Variants in TAF1D observed in about 807,000 individuals in gnomAD.
TAF1D encodes TATA box-binding protein-associated factor RNA polymerase I subunit D.
A neutral mutation model predicts 26.2 loss-of-function variants in TAF1D; 23 were observed. The ratio of observed to expected loss-of-function variants is 0.88; its 90% CI spans 0.63 to 1.25. The LOEUF is 1.25. TAF1D is among the 50% of genes most tolerant of loss of function. The pLI is 0.00. For synonymous variants in TAF1D, 100 were observed against 105.6 expected, an observed-to-expected ratio of 0.95 and a Z score of 0.33; for missense variants, 299 against 322.0, an observed-to-expected ratio of 0.93 and a Z score of 0.55.
At chr11:93,733,022 A>C, downstream of TAF1D, 1 of 335,688 alleles carries the variant, frequency 3.0e-6, no homozygotes, top group Non-Finnish European at 5.8e-6. Context: ...AAATACTGGG[A>C]TGGTGTAATT....
Position 93,735,988 on chromosome 11 carries a change from C to A in TAF1D, c.*173G>T. 1 of 1,379,480 alleles carries A rather than the reference C, an allele frequency of 7.2e-7. No homozygotes were observed. Among genetic ancestry groups the A allele is most frequent in the Non-Finnish European group, 9.3e-7 (1 of 1,071,604 alleles). 85.5% of individuals were successfully genotyped at this position (1,379,480 alleles called of 1,614,324 possible). A position where few individuals can be genotyped will look rare whatever the true frequency, so the allele number is the denominator to read the frequency against. On this transcript the variant is annotated 3_prime_UTR_variant, in exon 6 of 6. Transcript: ENST00000448108. ...TTTTTTTCTAATTATTACTACTTCA[C>A]AAGTTTCTTTCACAAACTTCTTCAC...
intron 2 of TAF1D, 173 bp downstream of exon 2, chr11:93,739,064 T>G (rs573953455): frequency 8.8e-6 from 5 of 569,422 alleles, no homozygotes; most frequent in Non-Finnish European, 1.5e-5. Context: ...CATTTTGAAT[T>G]TAAAGTATTT....
At chr11:93,733,830 C>T (rs1165823243), downstream of TAF1D, 1 of 174,706 alleles carries the variant, frequency 5.7e-6, no homozygotes, top group Admixed American at 6.1e-5. Context: ...AGTATTTATA[C>T]ACATAAATAA....
chr11:93,736,064 T>A lies in TAF1D; in HGVS notation c.*97A>T. The stretch of plus-strand genomic sequence containing the variant: ...ATAAAGTTCTGGGTTTCAGAATTTC[T>A]TCACCACCAGACTGGTACATATATC... On this transcript the variant is annotated 3_prime_UTR_variant, in exon 6 of 6. Coordinates refer to ENST00000448108, the MANE Select transcript of TAF1D (RefSeq NM_024116.4). 6.6e-7 allele frequency: 1 copy of A among 1,505,358 alleles called. No homozygotes were observed. The highest frequency in any genetic ancestry group is 8.8e-7 in the Non-Finnish European group (1 of 1,135,854). 93.3% of individuals were successfully genotyped at this position (1,505,358 alleles called of 1,614,324 possible). A position where few individuals can be genotyped will look rare whatever the true frequency, so the allele number is the denominator to read the frequency against.
rs1940963313 is a variant in TAF1D at position 93,737,076 on chromosome 11, A to G, written c.623T>C (p.Ile208Thr). ...TGATTCCACTTACGTTGACTCCTCA[A>G]TAGGAGAAATGGATCCATCATCATC... ...FLDDDGSISP[I>T]EESTAEDEDA... Residue 208 changes from isoleucine (I) to threonine (T), a missense_variant, in exon 4 of 6, where the codon ATT becomes ACT. By Grantham distance (89) the Ile-to-Thr change is moderately conservative. Transcript: ENST00000448108. The G allele has an allele frequency of 6.2e-7, 1 of 1,601,450 alleles. No homozygotes were observed. Among genetic ancestry groups the G allele is most frequent in the African/African-American group, 1.3e-5 (1 of 74,518 alleles).
At chr11:93,738,592 C>G in intron 2 of TAF1D, 93 bp from the exon 3 acceptor site, 3 of 1,308,264 alleles carry the variant, frequency 2.3e-6, no homozygotes, top group Non-Finnish European at 3.0e-6. Flanking sequence ...CTTCCAAGAC[C>G]AACTCAGAAA....
chr11:93,738,276 T>G lies in TAF1D; in HGVS notation c.292A>C (p.Arg98=). The change falls in exon 3 of 6, where the codon AGG becomes CGG. Residue 98 remains arginine, a synonymous_variant. Transcript: ENST00000448108. ...CGTGGTCTTCCTGTTGGCTGGTACCTCCTCTTTTTCTTTTTTTTATATCTC... is the reference window on the plus strand; with the variant it reads ...CGTGGTCTTCCTGTTGGCTGGTACCGCCTCTTTTTCTTTTTTTTATATCTC... ...KKRYKKKKKR[R]YQPTGRPRGR... is the part of the protein sequence containing the mutation. 6.2e-7 allele frequency: 1 copy of G among 1,611,404 alleles called. No individual in the cohort carries two copies. The highest frequency in any genetic ancestry group is 1.1e-5 in the South Asian group (1 of 90,416).
chr11:93,737,320 C>T, intron 3 of TAF1D, 81 bp from the exon 4 acceptor site: 6 of 939,236 alleles, frequency 6.4e-6, no homozygotes, highest in East Asian at 2.6e-5. Flanking sequence ...AAGGGCAATG[C>T]CCCCCCTTAG....
intron 5 of TAF1D, 92 bp downstream of exon 5, chr11:93,736,602 T>C: frequency 6.6e-7 from 1 of 1,518,336 alleles, no homozygotes; most frequent in Non-Finnish European, 8.8e-7. Flanking sequence ...AAAAGTTAAA[T>C]GAAGTGTAAG....
chr11:93,731,113 C>A (rs767813682), downstream of TAF1D: 1 of 498,892 alleles, frequency 2.0e-6, no homozygotes, highest in African/African-American at 2.0e-5. Context: ...CACCCTTGAG[C>A]AAATAACTTA....
downstream of TAF1D, chr11:93,735,358 T>C (rs1940530854): frequency 2.8e-6 from 3 of 1,087,980 alleles, no homozygotes; most frequent in Admixed American, 4.1e-5. Context: ...ATGCCTTTTC[T>C]TGAACTAATA....
downstream of TAF1D, chr11:93,732,025 C>CA (rs757994342): frequency 3.9e-6 from 2 of 518,134 alleles, no homozygotes; most frequent in South Asian, 2.8e-5. Context: ...GTCTCATTGT[C>CA]ACCACTGCAA....
At chr11:93,733,689 CA>C (rs772270699), downstream of TAF1D, 3 of 459,184 alleles carry the variant, frequency 6.5e-6, no homozygotes, top group African/African-American at 6.1e-5. Flanking sequence ...CACTTGAGCC[CA>C]GGGGTTCGAG....
chr11:93,736,904 G>T, intron 4 of TAF1D, 153 bp from the exon 5 acceptor site: 1 of 1,091,002 alleles, frequency 9.2e-7, no homozygotes, highest in Non-Finnish European at 1.3e-6. Context: ...TAGATGAACG[G>T]TGTGCCAAGC....
intron 4 of TAF1D, 77 bp from the exon 5 acceptor site, chr11:93,736,828 T>C (rs781457500): frequency 8.3e-6 from 12 of 1,447,978 alleles, no homozygotes; most frequent in Non-Finnish European, 1.1e-5. Context: ...CTCTGAAATA[T>C]AACTGAAACT....
At chr11:93,733,594 C>A (rs764509626), downstream of TAF1D, 2 of 514,510 alleles carry the variant, frequency 3.9e-6, no homozygotes, top group African/African-American at 3.9e-5. Flanking sequence ...GGATAGACCT[C>A]AACCACTATT....
At chr11:93,732,369 CAGT>C (rs1446919672), downstream of TAF1D, 1 of 518,718 alleles carries the variant, frequency 1.9e-6, no homozygotes, top group Admixed American at 1.9e-5. Context: ...AATACTGTAT[CAGT>C]AGAAATACCA....
At chr11:93,731,664 A>G (rs1047170520), downstream of TAF1D, 84 of 451,588 alleles carry the variant, frequency 1.9e-4, no homozygotes, top group Admixed American at 2.1e-3. Flanking sequence ...GCATTGCTAG[A>G]TAAATAAATA....
chr11:93,741,106 A>C (rs1414260372), intron 1 of TAF1D, among the ~76,000 whole-genome samples: 2 of 152,240 alleles, frequency 1.3e-5, no homozygotes, highest in East Asian at 3.8e-4. Context: ...CCATCTCAAG[A>C]TATAATGAAG....
Sources: gnomAD v4.1 joint callset for allele counts (sites outside exome capture counted in the v4.1 genomes callset) on GRCh38, gnomAD v4.1.1 for gene constraint, MANE v1.5 for transcripts, NCBI Gene and HGNC (gene_info 2026-07-23, HGNC 2026-07-21) for gene names.